The following HVCN1 variants were observed in gnomAD, a reference collection of about 807,000 sequenced individuals.
HVCN1 encodes the protein hydrogen voltage gated channel 1.
In HVCN1, 14 loss-of-function variants were observed where a neutral mutation model predicts 29.2. The ratio of observed to expected loss-of-function variants is 0.48; its 90% CI spans 0.32 to 0.75. HVCN1 has a LOEUF of 0.75. HVCN1 is among the 30% of genes least tolerant of loss of function. The pLI is 0.04. For synonymous variants in HVCN1, 131 were observed against 133.2 expected, an observed-to-expected ratio of 0.98 and a Z score of 0.11; for missense variants, 263 against 341.8, an observed-to-expected ratio of 0.77 and a Z score of 1.82.
chr12:110,673,916 A>G (rs542183816), intron 3 of HVCN1, among the ~76,000 whole-genome samples: 1 of 152,326 alleles, frequency 6.6e-6, no homozygotes, highest in East Asian at 1.9e-4. Context: ...GAGCACCCAC[A>G]CTGAGTCCCT....
chr12:110,675,585 A>AC (rs1555235915), intron 3 of HVCN1, among the ~76,000 whole-genome samples: 47 of 151,700 alleles, frequency 3.1e-4, no homozygotes, highest in African/African-American at 1.1e-3. Flanking sequence ...AGAAAAGTAG[A>AC]TTTTTTTTTC....
At chr12:110,682,406 C>G (rs1160534070) in intron 3 of HVCN1, among the ~76,000 whole-genome samples, 1 of 152,048 alleles carries the variant, frequency 6.6e-6, no homozygotes, top group Admixed American at 6.5e-5. Flanking sequence ...GCCATGTTGA[C>G]CAGGCTCATC....
chr12:110,687,265 C>A (rs375368412), intron 2 of HVCN1, among the ~76,000 whole-genome samples: 10 of 150,418 alleles, frequency 6.6e-5, no homozygotes, highest in East Asian at 3.9e-4. Context: ...ACACCCCCCC[C>A]CCCCAGCTAA....
At chr12:110,666,203 G>C (rs928610862) in intron 3 of HVCN1, among the ~76,000 whole-genome samples, 2 of 152,046 alleles carry the variant, frequency 1.3e-5, no homozygotes, top group African/African-American at 2.4e-5. Flanking sequence ...CGGATCACAA[G>C]GTCAGGAGAT....
At chr12:110,694,112 G>C (rs1295885731), upstream of HVCN1, among the ~76,000 whole-genome samples, 1 of 152,182 alleles carries the variant, frequency 6.6e-6, no homozygotes, top group African/African-American at 2.4e-5. This position sits in a 1 kb window ranked among gnomAD's most constrained non-coding sequence, Gnocchi z 4.6. Context: ...ACCCAGGCTG[G>C]AGTGCAGTGG....
rs2069082668 is a variant in HVCN1 at position 110,683,909 on chromosome 12, T to TG, written c.-19-646_-19-645insC. The stretch of plus-strand genomic sequence containing the variant: ...CTGGGCAACAGAACAAGACTCTATC[T>TG]AAAAAAAAAAAAAAAAGGAAAAAAA... On this transcript the variant is annotated intron_variant, in intron 2 of 7. Transcript: ENST00000242607. Among the ~76,000 whole-genome samples the TG allele has an allele frequency of 4.4e-5, 3 of 67,870 alleles. No individual in the cohort carries two copies. In the South Asian group the frequency reaches 1.4e-3, roughly 31 times the overall value. The allele number at this position is 67,870 out of a possible 152,430, so 44.5% of individuals were successfully genotyped here.
Position 110,649,429 on chromosome 12 carries a change from A to C in HVCN1, c.803T>G (p.Leu268Arg). The C allele has an allele frequency of 6.2e-7, 1 of 1,609,316 alleles. No homozygotes were observed. Among genetic ancestry groups the C allele is most frequent in the Non-Finnish European group, 8.5e-7 (1 of 1,177,000 alleles). The change falls in exon 8 of 8, where the codon CTT (leucine) becomes CGT (arginine). Residue 268 changes from leucine (L) to arginine (R), a missense_variant. Physicochemically the swap from Leu to Arg is moderately radical, Grantham distance 102. Around this residue, in one of 3 missense-constraint regions of HVCN1, gnomAD observed 51 missense variants for 51.1 expected, o/e 1.00. Transcript: ENST00000242607. ...RLNKLLRQHG[L>R]LGEVN ...CCGGGTCTAGTTCACTTCACCAAGAAGTCCATGCTGTCGCAATAGTTTGTT... is the reference window on the plus strand; with the variant it reads ...CCGGGTCTAGTTCACTTCACCAAGACGTCCATGCTGTCGCAATAGTTTGTT...
chr12:110,668,090 G>T (rs2068432170), intron 3 of HVCN1, among the ~76,000 whole-genome samples: 1 of 152,120 alleles, frequency 6.6e-6, no homozygotes, highest in Non-Finnish European at 1.5e-5. Context: ...GACTGATCCT[G>T]CCACCACGCC....
At chr12:110,688,760 A>T (rs2069296279) in intron 1 of HVCN1, 52 bp from the exon 2 acceptor site, 1 of 152,294 alleles carries the variant, frequency 6.6e-6, no homozygotes, top group South Asian at 2.1e-4. Flanking sequence ...GCGGAGTGTG[A>T]AGAACTGAAG....
intron 3 of HVCN1, among the ~76,000 whole-genome samples, chr12:110,662,149 G>C (rs764806084): frequency 3.3e-5 from 5 of 152,152 alleles, no homozygotes; most frequent in Non-Finnish European, 5.9e-5. Context: ...CAATGTCCCT[G>C]AGGGAGCCTA....
intron 3 of HVCN1, among the ~76,000 whole-genome samples, chr12:110,666,208 G>T (rs2068345660): frequency 6.6e-6 from 1 of 151,964 alleles, no homozygotes; most frequent in African/African-American, 2.4e-5. Flanking sequence ...CACAAGGTCA[G>T]GAGATTGAGA....
chr12:110,702,970 T>C (rs1210513219), intron 1 of HVCN1, among the ~76,000 whole-genome samples: 2 of 152,060 alleles, frequency 1.3e-5, no homozygotes, highest in African/African-American at 2.4e-5. Context: ...GTATTTTTAG[T>C]AGAGTCAGGG....
chr12:110,677,531 G>C lies in HVCN1; in HGVS notation c.21+5694C>G, dbSNP rs540773688. ...GACCTCTGTGCCTGGCAGACCACAGGCTCCTGCTAAACATACCTCCTGGAT... is the reference window on the plus strand; with the variant it reads ...GACCTCTGTGCCTGGCAGACCACAGCCTCCTGCTAAACATACCTCCTGGAT... On this transcript the variant is annotated intron_variant, in intron 3 of 7. Transcript: ENST00000242607. Among the ~76,000 whole-genome samples, 103 of 152,254 alleles carry C rather than the reference G, an allele frequency of 6.8e-4. 1 individual carries two copies. The highest frequency in any genetic ancestry group is 2.3e-3 in the South Asian group (11 of 4,814).
chr12:110,696,334 C>T (rs191860048), intron 2 of HVCN1, among the ~76,000 whole-genome samples: 2 of 152,242 alleles, frequency 1.3e-5, no homozygotes, highest in Non-Finnish European at 2.9e-5. Context: ...ATCAAGCATA[C>T]GGCTGGTGGC....
chr12:110,669,817 A>G lies in HVCN1; in HGVS notation c.22-8369T>C, dbSNP rs534464369. 1.2e-4 allele frequency among the ~76,000 whole-genome samples: 18 copies of G among 152,264 alleles called. No individual in the cohort carries two copies. In the South Asian group the frequency reaches 3.5e-3, roughly 30 times the overall value. ...AAGCCTGTAATCCTAGCACTTTGGG[A>G]GGCCGAGACGGGCAGATCACCTGAT... On this transcript the variant is annotated intron_variant, in intron 3 of 7. Transcript: ENST00000242607.
At position 110,649,447 on chromosome 12, in the gene HVCN1, AGTTT is replaced by A. The variant is rs1436481960; in HGVS notation, c.781_784del (p.Lys261TyrfsTer11). The A allele has an allele frequency of 1.2e-6, 2 of 1,607,864 alleles. No homozygotes were observed. The highest frequency in any genetic ancestry group is 1.7e-6 in the Non-Finnish European group (2 of 1,175,990). ...ACCAAGAAGTCCATGCTGTCGCAAT[AGTTT>A]GTTAAGTCTTTCAATTTCTTGTTCC... On this transcript the variant is annotated frameshift_variant, in exon 8 of 8. Coordinates refer to ENST00000242607, the MANE Select transcript of HVCN1 (RefSeq NM_032369.4). LOFTEE classifies it high-confidence loss of function.
chr12:110,653,658 A>G (rs1237182550), intron 5 of HVCN1, among the ~76,000 whole-genome samples: 1 of 151,948 alleles, frequency 6.6e-6, no homozygotes, highest in Non-Finnish European at 1.5e-5. Flanking sequence ...CCTGGCCAAC[A>G]TGGTGAAATC....
At chr12:110,651,188 T>C (rs755585465) in intron 6 of HVCN1, 29 bp downstream of exon 6, 18 of 1,534,356 alleles carry the variant, frequency 1.2e-5, no homozygotes, top group Non-Finnish European at 1.5e-5. Context: ...CTACTCTCCA[T>C]CCACAGCCTG....
At chr12:110,652,291 G>T (rs912918521) in intron 5 of HVCN1, among the ~76,000 whole-genome samples, 3 of 152,228 alleles carry the variant, frequency 2.0e-5, no homozygotes, top group African/African-American at 7.2e-5. Context: ...TATTTGGGAG[G>T]CTGAGGCAGG....
Sources: allele counts gnomAD v4.1 joint callset (sites outside exome capture counted in the v4.1 genomes callset), GRCh38; gene constraint gnomAD v4.1.1; regional missense constraint gnomAD v4.1.1; non-coding constraint Gnocchi (gnomAD v3.1); transcripts MANE v1.5; gene names NCBI Gene and HGNC (gene_info 2026-07-23, HGNC 2026-07-21).